The following PRDM1 variants were observed in gnomAD, a reference collection of about 807,000 sequenced individuals.
The protein encoded by PRDM1 is PR/SET domain 1, also known as PR domain zinc finger protein 1.
In PRDM1, 13 loss-of-function variants were observed where a neutral mutation model predicts 62.8. That is an observed-to-expected ratio of 0.21 (90% CI 0.13 to 0.33). PRDM1 has a LOEUF of 0.33. Ranked by LOEUF, PRDM1 falls within the 10% of genes least tolerant of loss-of-function variation. The pLI, the probability that PRDM1 is intolerant of heterozygous loss-of-function variation, is 1.00. For synonymous variants in PRDM1, 396 were observed against 417.6 expected, an observed-to-expected ratio of 0.95 and a Z score of 0.63; for missense variants, 895 against 1,058.8, an observed-to-expected ratio of 0.85 and a Z score of 2.15.
At chr6:106,099,970 G>T (rs1347839348) in intron 4 of PRDM1, among the ~76,000 whole-genome samples, 1 of 152,184 alleles carries the variant, frequency 6.6e-6, no homozygotes, top group African/African-American at 2.4e-5. Flanking sequence ...GTTAGGATCT[G>T]ATGTGGAACA....
chr6:105,998,390 A>G (rs1772375999), intron 1 of PRDM1, among the ~76,000 whole-genome samples: 2 of 152,200 alleles, frequency 1.3e-5, no homozygotes, highest in African/African-American at 4.8e-5. Flanking sequence ...CATCTCCTAA[A>G]AAAAAGGGAA....
intron 3 of PRDM1, among the ~76,000 whole-genome samples, chr6:106,097,801 C>T (rs1273678567): frequency 1.3e-5 from 2 of 152,218 alleles, no homozygotes; most frequent in Non-Finnish European, 2.9e-5. Flanking sequence ...GCGAAGAGTA[C>T]AAGAGCGATG....
At position 106,105,685 on chromosome 6, in the gene PRDM1, G is replaced by T. The variant is rs751020137; in HGVS notation, c.1525G>T (p.Ala509Ser). Reference sequence around the variant, plus strand: ...GGCCGCCGCCAGCATGAAGGACAAGGCCTGTAGCCCCACAAGCGGGTCTCC... The same window carrying T: ...GGCCGCCGCCAGCATGAAGGACAAGTCCTGTAGCCCCACAAGCGGGTCTCC... ...TGAAASMKDK[A>S]CSPTSGSPTA... The change falls in exon 5 of 7, where the codon GCC becomes TCC. Residue 509 changes from alanine (A) to serine (S), a missense_variant. Around this residue, in one of 4 missense-constraint regions of PRDM1, gnomAD observed 444 missense variants for 422.7 expected, o/e 1.05. Coordinates refer to ENST00000369096, the MANE Select transcript of PRDM1 (RefSeq NM_001198.4). 4 of 1,613,538 alleles carry T rather than the reference G, an allele frequency of 2.5e-6. No individual in the cohort carries two copies. Among genetic ancestry groups the T allele is most frequent in the South Asian group, 2.2e-5 (2 of 91,068 alleles).
At position 106,088,379 on chromosome 6, in the gene PRDM1, G is replaced by C. The variant is rs1281197775; in HGVS notation, c.221G>C (p.Gly74Ala). The C allele has an allele frequency of 6.2e-7, 1 of 1,614,188 alleles. No individual in the cohort carries two copies. ...DHPWDSGADG[G>A]TSVQAEASLP... The stretch of plus-strand genomic sequence containing the variant: ...CCCTGGGATTCTGGTGCTGATGGCG[G>C]TACTTCGGTTCAGGCGGAGGCATCC... Residue 74 changes from glycine to alanine, a missense_variant, in exon 2 of 7, where the codon GGT becomes GCT. Physicochemically the swap from Gly to Ala is moderately conservative, Grantham distance 60. Coordinates refer to ENST00000369096, the MANE Select transcript of PRDM1 (RefSeq NM_001198.4).
chr6:106,028,653 G>A (rs1772796861), intron 1 of PRDM1, among the ~76,000 whole-genome samples: 1 of 152,120 alleles, frequency 6.6e-6, no homozygotes, highest in Non-Finnish European at 1.5e-5. Flanking sequence ...ACAATGAACT[G>A]CACATATTTA....
rs762130308 is a variant in PRDM1, at chr6:106,105,075, G to C, written c.915G>C (p.Leu305=). ...PRVVYPIRAP[L]PEDFLKASLA... is the part of the protein sequence containing the mutation. ...TCGTTTACCCCATCCGGGCCCCTCT[G>C]CCAGAAGACTTTTTGAAAGCTTCCC... The change falls in exon 5 of 7, where the codon CTG becomes CTC. Residue 305 remains leucine, a synonymous_variant. Coordinates refer to ENST00000369096, the MANE Select transcript of PRDM1 (RefSeq NM_001198.4). 2.7e-5 allele frequency: 44 copies of C among 1,613,936 alleles called. No homozygotes were observed. The highest frequency in any genetic ancestry group is 3.6e-5 in the Non-Finnish European group (43 of 1,180,016).
At chr6:106,039,587 T>A (rs1345249891) in intron 1 of PRDM1, among the ~76,000 whole-genome samples, 1 of 152,144 alleles carries the variant, frequency 6.6e-6, no homozygotes, top group Non-Finnish European at 1.5e-5. Flanking sequence ...ACCACAGCTA[T>A]TTTTTTATTG....
At chr6:106,010,268 A>G (rs1449824465) in intron 1 of PRDM1, among the ~76,000 whole-genome samples, 1 of 152,202 alleles carries the variant, frequency 6.6e-6, no homozygotes, top group Non-Finnish European at 1.5e-5. Context: ...TCCTTGCAGA[A>G]CCCCTTTTTC....
At chr6:105,999,867 T>G (rs1347363948) in intron 1 of PRDM1, among the ~76,000 whole-genome samples, 1 of 152,244 alleles carries the variant, frequency 6.6e-6, no homozygotes, top group Non-Finnish European at 1.5e-5. Flanking sequence ...TGTTTCTTTT[T>G]TTTTGAGACG....
intron 1 of PRDM1, among the ~76,000 whole-genome samples, chr6:106,058,995 C>T (rs1171675769): frequency 6.6e-6 from 1 of 152,156 alleles, no homozygotes; most frequent in Non-Finnish European, 1.5e-5. Context: ...TCCATCTAGT[C>T]AGTAATTCTT....
At position 106,098,825 on chromosome 6, in the gene PRDM1, A is replaced by T. The variant is rs1236444725; in HGVS notation, c.412-475A>T. On this transcript the variant is annotated intron_variant, in intron 3 of 6. Transcript: ENST00000369096. ...GAAGCCTTGGGCGGGGGTGTAGGAA[A>T]CGGCGAGTACAGAGGCCATAGAAAA... is the stretch of plus-strand genomic sequence containing the variant. The T allele has an allele frequency of 9.2e-6, 14 of 1,525,352 alleles. No homozygotes were observed. In the Admixed American group the frequency reaches 2.8e-4, roughly 30 times the overall value. The allele number at this position is 1,525,352 out of a possible 1,614,324, so 94.5% of individuals were successfully genotyped here.
intron 1 of PRDM1, among the ~76,000 whole-genome samples, chr6:106,071,107 C>T (rs1460365100): frequency 1.3e-5 from 2 of 152,084 alleles, no homozygotes; most frequent in Non-Finnish European, 2.9e-5. Flanking sequence ...CCTGTCTCTA[C>T]TAAAAATACA....
intron 1 of PRDM1, 112 bp downstream of exon 1, chr6:106,086,707 A>G: frequency 3.1e-6 from 3 of 967,912 alleles, no homozygotes; most frequent in Non-Finnish European, 4.6e-6. Context: ...CGCAGTAGAA[A>G]CATGCTTCTG....
At chr6:106,064,095 G>C (rs1296423780) in intron 1 of PRDM1, among the ~76,000 whole-genome samples, 1 of 152,174 alleles carries the variant, frequency 6.6e-6, no homozygotes, top group Non-Finnish European at 1.5e-5. Context: ...TCTAAAAATA[G>C]CATTGTATTT....
At chr6:106,013,409 C>T (rs1376131739) in intron 1 of PRDM1, among the ~76,000 whole-genome samples, 1 of 150,172 alleles carries the variant, frequency 6.7e-6, no homozygotes, top group Non-Finnish European at 1.5e-5. Context: ...CTCACTGCAA[C>T]CTCCACCTCC....
rs185588995 is a variant in PRDM1 at position 106,106,288 on chromosome 6, A to G, written c.1774-83A>G. ...TTGATGCTTTTCTTAAGATATTTGC[A>G]TCAACACTTGAGTCTTGGAGCAGAA... On this transcript the variant is annotated intron_variant, in intron 5 of 6. Coordinates refer to ENST00000369096, the MANE Select transcript of PRDM1 (RefSeq NM_001198.4). The surrounding 1 kb of genome is among the most constrained non-coding windows in gnomAD (Gnocchi z 4.4). 6.8e-4 allele frequency: 1,040 copies of G among 1,533,270 alleles called. 2 individuals carry two copies. The highest frequency in any genetic ancestry group is 4.6e-3 in the Middle Eastern group (22 of 4,802). 95.0% of individuals were successfully genotyped at this position (1,533,270 alleles called of 1,614,324 possible).
chr6:106,091,169 C>T (rs1433571426), intron 2 of PRDM1, among the ~76,000 whole-genome samples: 1 of 152,020 alleles, frequency 6.6e-6, no homozygotes, highest in Non-Finnish European at 1.5e-5. Context: ...AGAAGCGTTA[C>T]CCTGTAGAGT....
chr6:106,095,564 G>A (rs1388530511), intron 2 of PRDM1, 51 bp from the exon 3 acceptor site: 1 of 1,590,848 alleles, frequency 6.3e-7, no homozygotes, highest in South Asian at 1.1e-5. Flanking sequence ...GAAAAGATTG[G>A]TTAACATTTT....
chr6:106,075,366 A>G (rs1246866131), intron 1 of PRDM1, among the ~76,000 whole-genome samples: 3 of 152,126 alleles, frequency 2.0e-5, no homozygotes, highest in African/African-American at 7.2e-5. Flanking sequence ...TTTAGTTCTG[A>G]TTCTTAACTA....
Sources: allele counts gnomAD v4.1 joint callset (sites outside exome capture counted in the v4.1 genomes callset), GRCh38; gene constraint gnomAD v4.1.1; regional missense constraint gnomAD v4.1.1; non-coding constraint Gnocchi (gnomAD v3.1); transcripts MANE v1.5; gene names NCBI Gene and HGNC (gene_info 2026-07-23, HGNC 2026-07-21).